LRRC4C: variants seen among roughly 807,000 people sequenced by gnomAD.
The protein encoded by LRRC4C is leucine-rich repeat-containing protein 4C.
Under a neutral mutation model 33.6 loss-of-function variants are expected in LRRC4C, and 5 were observed. The ratio of observed to expected loss-of-function variants is 0.15; its 90% CI spans 0.08 to 0.31. The LOEUF is 0.31. Among genes scored for constraint, LRRC4C ranks in the 10% least tolerant of loss-of-function variants. The pLI is 1.00. For missense variants in LRRC4C, 560 were observed against 796.7 expected (o/e 0.70, Z 3.58); for synonymous variants, 329 against 302.0 (o/e 1.09, Z -0.93).
At chr11:40,801,612 ATCT>A (rs1291279804) in intron 2 of LRRC4C, among the ~76,000 whole-genome samples, 2 of 152,184 alleles carry the variant, frequency 1.3e-5, no homozygotes, top group Non-Finnish European at 1.5e-5. Context: ...GAAATGTATA[ATCT>A]TCTTGTTAAT....
chr11:41,423,761 C>T (rs568342080), intron 1 of LRRC4C: 1 of 152,140 alleles, frequency 6.6e-6, no homozygotes, highest in East Asian at 1.9e-4. Context: ...CATTCCTTCT[C>T]CTTTATGGAA....
At chr11:41,079,169 G>A (rs1565363715) in intron 1 of LRRC4C, among the ~76,000 whole-genome samples, 1 of 152,160 alleles carries the variant, frequency 6.6e-6, no homozygotes, top group African/African-American at 2.4e-5. Flanking sequence ...TACTACATTT[G>A]GTTATGCAAA....
intron 1 of LRRC4C, among the ~76,000 whole-genome samples, chr11:40,970,362 G>A (rs988865264): frequency 8.5e-5 from 13 of 152,108 alleles, no homozygotes; most frequent in Admixed American, 7.9e-4. Flanking sequence ...TTAAAAGTGT[G>A]TGGTTCCTGC....
At chr11:40,648,979 T>C (rs914410308) in intron 2 of LRRC4C, among the ~76,000 whole-genome samples, 1 of 151,896 alleles carries the variant, frequency 6.6e-6, no homozygotes, top group Non-Finnish European at 1.5e-5. Context: ...GGGAGGGGTG[T>C]ACAAAAGGGA....
At chr11:41,443,160 A>C (rs1292861247) in intron 1 of LRRC4C, among the ~76,000 whole-genome samples, 1 of 150,602 alleles carries the variant, frequency 6.6e-6, no homozygotes, top group Non-Finnish European at 1.5e-5. Flanking sequence ...CTGACTTGAA[A>C]GACAAATCCC....
intron 2 of LRRC4C, among the ~76,000 whole-genome samples, chr11:40,885,252 C>T (rs997673283): frequency 6.6e-6 from 1 of 151,864 alleles, no homozygotes; most frequent in African/African-American, 2.4e-5. Context: ...TTGCTTAGCA[C>T]TTATTTAGCT....
intron 3 of LRRC4C, among the ~76,000 whole-genome samples, chr11:40,538,832 C>T (rs1956586088): frequency 6.6e-6 from 1 of 152,118 alleles, no homozygotes; most frequent in South Asian, 2.1e-4. Flanking sequence ...TAATGATTGC[C>T]ATTCTAACTG....
At chr11:41,361,202 G>A (rs1428824355) in intron 1 of LRRC4C, among the ~76,000 whole-genome samples, 1 of 152,124 alleles carries the variant, frequency 6.6e-6, no homozygotes, top group Admixed American at 6.5e-5. Context: ...GTTTCTCCAG[G>A]TCACTGAATC....
At chr11:40,575,922 T>A (rs1438691477) in intron 3 of LRRC4C, among the ~76,000 whole-genome samples, 1 of 152,216 alleles carries the variant, frequency 6.6e-6, no homozygotes, top group African/African-American at 2.4e-5. Flanking sequence ...TTCAATCTAA[T>A]GTAATGGTTA....
intron 1 of LRRC4C, among the ~76,000 whole-genome samples, chr11:40,967,443 C>T (rs1161079955): frequency 1.3e-5 from 2 of 152,016 alleles, no homozygotes; most frequent in African/African-American, 2.4e-5. Flanking sequence ...TTGTGCTTTG[C>T]AGTTAATGTG....
At chr11:40,331,674 G>A (rs1001319632) in intron 3 of LRRC4C, among the ~76,000 whole-genome samples, 1 of 152,124 alleles carries the variant, frequency 6.6e-6, no homozygotes, top group African/African-American at 2.4e-5. Context: ...GAGGAAGTTT[G>A]AATTCTCTCT....
chr11:40,871,856 C>T (rs899317190), intron 2 of LRRC4C, among the ~76,000 whole-genome samples: 1 of 152,140 alleles, frequency 6.6e-6, no homozygotes, highest in Non-Finnish European at 1.5e-5. Flanking sequence ...ACTCATTGCA[C>T]CTTCCTTGCC....
intron 3 of LRRC4C, among the ~76,000 whole-genome samples, chr11:40,437,674 G>A (rs759153488): frequency 1.3e-5 from 2 of 151,626 alleles, no homozygotes; most frequent in Non-Finnish European, 2.9e-5. Context: ...GATTACAGGT[G>A]TGAGCCACCG....
intron 4 of LRRC4C, among the ~76,000 whole-genome samples, chr11:40,301,004 T>C (rs1211749220): frequency 1.3e-5 from 2 of 152,158 alleles, no homozygotes; most frequent in Non-Finnish European, 2.9e-5. Context: ...AATCCACAGA[T>C]GGGAAACCCA....
At chr11:40,202,801 G>C (rs1165515265) in intron 5 of LRRC4C, among the ~76,000 whole-genome samples, 2 of 152,122 alleles carry the variant, frequency 1.3e-5, no homozygotes, top group Non-Finnish European at 2.9e-5. Flanking sequence ...CCATTTAACG[G>C]GGAAGCTGTT....
At chr11:41,334,490 G>T (rs531656367) in intron 1 of LRRC4C, among the ~76,000 whole-genome samples, 1 of 152,122 alleles carries the variant, frequency 6.6e-6, no homozygotes, top group South Asian at 2.1e-4. Flanking sequence ...CACCTGGCAG[G>T]TGTTAGATGT....
intron 1 of LRRC4C, among the ~76,000 whole-genome samples, chr11:41,134,076 T>A (rs1283787022): frequency 3.9e-5 from 6 of 152,100 alleles, no homozygotes; most frequent in African/African-American, 1.4e-4. Flanking sequence ...TGGCTCAGAA[T>A]AAATTGCTTT....
chr11:40,769,787 C>T lies in LRRC4C; in HGVS notation c.-406-121509G>A, dbSNP rs183817993. ...ATACTGATATCCATATGCAGTAGAACAAAACTAGACTTCTATCTCTTGCCA... is the reference window on the plus strand; with the variant it reads ...ATACTGATATCCATATGCAGTAGAATAAAACTAGACTTCTATCTCTTGCCA... On this transcript the variant is annotated intron_variant, in intron 2 of 6. Transcript: ENST00000528697. Among the ~76,000 whole-genome samples, 30 of 152,152 alleles carry T rather than the reference C, an allele frequency of 2.0e-4. No individual in the cohort carries two copies. The East Asian group carries it at 5.6e-3, about 28-fold the overall frequency.
At chr11:41,097,434 C>T (rs1454668003) in intron 1 of LRRC4C, among the ~76,000 whole-genome samples, 1 of 152,066 alleles carries the variant, frequency 6.6e-6, no homozygotes, top group Non-Finnish European at 1.5e-5. Flanking sequence ...TATTGACTAA[C>T]ATTAGACATT....
Sources: allele counts gnomAD v4.1 joint callset (sites outside exome capture counted in the v4.1 genomes callset), GRCh38; gene constraint gnomAD v4.1.1; transcripts MANE v1.5; gene names NCBI Gene and HGNC (gene_info 2026-07-23, HGNC 2026-07-21).